FRMPD1: variants seen among roughly 807,000 people sequenced by gnomAD.
FRMPD1 encodes the protein FERM and PDZ domain-containing protein 1.
In FRMPD1, 76 loss-of-function variants were observed where a neutral mutation model predicts 117.8. That is an observed-to-expected ratio of 0.65 (90% CI 0.54 to 0.78). FRMPD1 has a LOEUF of 0.78. Among genes scored for constraint, FRMPD1 ranks in the 30% least tolerant of loss-of-function variants. The pLI, the probability that FRMPD1 is intolerant of heterozygous loss-of-function variation, is 0.00. For synonymous variants in FRMPD1, 783 were observed against 770.4 expected, an observed-to-expected ratio of 1.02 and a Z score of -0.27; for missense variants, 1,786 against 1,964.5, an observed-to-expected ratio of 0.91 and a Z score of 1.72.
Position 37,740,836 on chromosome 9 carries a change from G to A in FRMPD1, c.2308G>A (p.Glu770Lys). ...LAFEDGSSDE[E>K]YYDAADKLTP... ...CTTTGAGGATGGCAGCTCAGATGAG[G>A]AATACTATGACGCGGCTGATAAGCT... is the stretch of plus-strand genomic sequence containing the variant. Residue 770 changes from glutamate (E) to lysine (K), a missense_variant, in exon 15 of 16, where the codon GAA becomes AAA. Glu to Lys is a moderately conservative substitution (Grantham distance 56). Coordinates refer to ENST00000377765, the MANE Select transcript of FRMPD1 (RefSeq NM_014907.3). This position sits in a 1 kb window ranked among gnomAD's most constrained non-coding sequence, Gnocchi z 4.2. 3 of 1,614,162 alleles carry A rather than the reference G, an allele frequency of 1.9e-6. No individual in the cohort carries two copies. The highest frequency in any genetic ancestry group is 2.5e-6 in the Non-Finnish European group (3 of 1,180,006).
chr9:37,605,541 T>G, the FRMPD1 span, among the ~76,000 whole-genome samples: 1 of 152,170 alleles, frequency 6.6e-6, no homozygotes, highest in Non-Finnish European at 1.5e-5. Context: ...ATTGTACATA[T>G]TCTGTGCCCT....
chr9:37,693,940 G>A (rs111473597), intron 2 of FRMPD1, among the ~76,000 whole-genome samples: 14 of 152,120 alleles, frequency 9.2e-5, no homozygotes, highest in African/African-American at 1.9e-4. Flanking sequence ...ATAGGACCCC[G>A]TAGTATTTTA....
chr9:37,675,046 G>T (rs1821477116), intron 1 of FRMPD1, among the ~76,000 whole-genome samples: 1 of 152,152 alleles, frequency 6.6e-6, no homozygotes, highest in South Asian at 2.1e-4. Context: ...CTTTGAGAAA[G>T]ATTACTCTGT....
intron 4 of FRMPD1, among the ~76,000 whole-genome samples, chr9:37,709,148 G>A (rs530777253): frequency 6.6e-6 from 1 of 152,252 alleles, no homozygotes; most frequent in South Asian, 2.1e-4. Context: ...TGATAGGAGT[G>A]AAGAGGACAA....
intron 6 of FRMPD1, among the ~76,000 whole-genome samples, chr9:37,721,651 G>C (rs192386310): frequency 1.3e-4 from 20 of 152,198 alleles, no homozygotes; most frequent in Non-Finnish European, 2.2e-4. Context: ...ATTCCTGTTA[G>C]TCTATACAAT....
upstream of FRMPD1, among the ~76,000 whole-genome samples, chr9:37,648,602 G>C (rs115583077): frequency 6.6e-6 from 1 of 152,288 alleles, no homozygotes; most frequent in African/African-American, 2.4e-5. Flanking sequence ...GCAGGATGAG[G>C]GGGAGGAGAC....
At chr9:37,675,310 A>G (rs573982130) in intron 1 of FRMPD1, among the ~76,000 whole-genome samples, 4 of 151,820 alleles carry the variant, frequency 2.6e-5, no homozygotes, top group Non-Finnish European at 5.9e-5. Flanking sequence ...TAATCCAGCT[A>G]CTCGGGTGGC....
intron 14 of FRMPD1, among the ~76,000 whole-genome samples, chr9:37,738,546 T>C (rs1363110423): frequency 6.6e-6 from 1 of 152,048 alleles, no homozygotes; most frequent in Non-Finnish European, 1.5e-5. Flanking sequence ...GCCATGTTGG[T>C]CAGACTGGTC....
At chr9:37,720,446 C>G (rs984134300) in intron 6 of FRMPD1, among the ~76,000 whole-genome samples, 2 of 152,134 alleles carry the variant, frequency 1.3e-5, no homozygotes, top group African/African-American at 4.8e-5. Flanking sequence ...GGGCAGATCA[C>G]AAGGTCAGAA....
At chr9:37,636,659 C>CCCCCTCCTGTCCCACTCCAGTG in the FRMPD1 span, 1 of 1,439,700 alleles carries the variant, frequency 6.9e-7, no homozygotes. Context: ...GGAGAAGGTG[C>CCCCCTCCTGTCCCACTCCAGTG]CCCCTCCTGT....
Position 37,744,914 on chromosome 9 carries a change from C to T in FRMPD1, c.2882C>T (p.Ala961Val), listed in dbSNP as rs73447213. Residue 961 changes from alanine (A) to valine (V), a missense_variant, in exon 16 of 16, where the codon GCT (alanine) becomes GTT (valine). Transcript: ENST00000377765. ...AAAGAGAATTCTGGTGTTGTCCCTG[C>T]TGCCAGCTCCTCAGCAAGCACTCCT... Reference protein sequence around the residue: ...NNKENSGVVPAASSSASTPHC... With the variant: ...NNKENSGVVPVASSSASTPHC... 5,762 of 1,614,194 alleles carry T rather than the reference C, an allele frequency of 3.6e-3. 178 individuals are homozygous for T. In the African/African-American group the frequency reaches 0.065, roughly 18 times the overall value.
chr9:37,628,905 T>G, the FRMPD1 span, among the ~76,000 whole-genome samples: 2 of 152,138 alleles, frequency 1.3e-5, no homozygotes, highest in African/African-American at 4.8e-5. Flanking sequence ...TGTTAGAAAT[T>G]CTACTATATC....
At chr9:37,736,069 T>C (rs987387012) in intron 13 of FRMPD1, among the ~76,000 whole-genome samples, 3 of 151,752 alleles carry the variant, frequency 2.0e-5, no homozygotes, top group Admixed American at 6.6e-5. Context: ...GACACGATCT[T>C]GGCTCACTGC....
In FRMPD1 at chr9:37,717,378, TA is replaced by T. The variant is rs1407711070; in HGVS notation, c.409-1690del. 4.8e-4 allele frequency among the ~76,000 whole-genome samples: 56 copies of T among 116,994 alleles called. 2 individuals are homozygous for T. Among genetic ancestry groups the T allele is most frequent in the African/African-American group, 1.6e-3 (47 of 29,648 alleles). The allele number at this position is 116,994 out of a possible 152,430, so 76.8% of individuals were successfully genotyped here. A position where few individuals can be genotyped will look rare whatever the true frequency, so the allele number is the denominator to read the frequency against. On this transcript the variant is annotated intron_variant, in intron 5 of 15. Transcript: ENST00000377765. ...GTGTGTGTGTGTGTGTGTATATATATATATTTTTTTTTTTTTTTTGAGATGT... is the reference window on the plus strand; with the variant it reads ...GTGTGTGTGTGTGTGTGTATATATATTATTTTTTTTTTTTTTTTGAGATGT...
chr9:37,643,904 T>C, the FRMPD1 span, among the ~76,000 whole-genome samples: 17,367 of 152,120 alleles, frequency 0.11, 1,082 homozygotes, highest in East Asian at 0.18. Flanking sequence ...CCAGAATTAA[T>C]AGGGTGGGGT....
At chr9:37,611,115 G>A in the FRMPD1 span, among the ~76,000 whole-genome samples, 1 of 152,182 alleles carries the variant, frequency 6.6e-6, no homozygotes, top group Admixed American at 6.5e-5. Flanking sequence ...CTGGGCCAAA[G>A]GGTATGTGCA....
At chr9:37,697,402 A>G (rs1822357571) in intron 2 of FRMPD1, among the ~76,000 whole-genome samples, 1 of 152,022 alleles carries the variant, frequency 6.6e-6, no homozygotes, top group South Asian at 2.1e-4. Context: ...TCTCTGCTAA[A>G]AAAAAAACAA....
chr9:37,637,967 T>TCTTG, the FRMPD1 span, among the ~76,000 whole-genome samples: 1 of 55,464 alleles, frequency 1.8e-5, no homozygotes, highest in South Asian at 6.7e-4. Flanking sequence ...GTGTATGCTT[T>TCTTG]CTTTCTTTCT....
Position 37,719,122 on chromosome 9 carries a change from C to T in FRMPD1, c.462C>T (p.Thr154=). The part of the protein sequence containing the change: ...LTEEKRARLK[T]NPVKVHFAEE... ...AGGAGAAGAGAGCCAGACTGAAGAC[C>T]AACCCCGTGAAGGTGCACTTTGCTG... is the stretch of plus-strand genomic sequence containing the variant. The change falls in exon 6 of 16, where the codon ACC becomes ACT. Residue 154 remains threonine (T), a synonymous_variant. Coordinates refer to ENST00000377765, the MANE Select transcript of FRMPD1 (RefSeq NM_014907.3). 6.2e-7 allele frequency: 1 copy of T among 1,613,732 alleles called. No homozygotes were observed. Among genetic ancestry groups the T allele is most frequent in the Non-Finnish European group, 8.5e-7 (1 of 1,179,644 alleles).
Sources: allele counts gnomAD v4.1 joint callset (sites outside exome capture counted in the v4.1 genomes callset), GRCh38; gene constraint gnomAD v4.1.1; non-coding constraint Gnocchi (gnomAD v3.1); transcripts MANE v1.5; gene names NCBI Gene and HGNC (gene_info 2026-07-23, HGNC 2026-07-21).